The following ZDHHC11B variants were observed in gnomAD, a reference collection of about 807,000 sequenced individuals.
ZDHHC11B encodes probable palmitoyltransferase ZDHHC11B.
Under a neutral mutation model 42.3 loss-of-function variants are expected in ZDHHC11B, and 17 were observed. The observed-to-expected ratio is 0.40, with a 90% CI of 0.27 to 0.60. The LOEUF is 0.60. Among genes scored for constraint, ZDHHC11B ranks in the 20% least tolerant of loss-of-function variants. ZDHHC11B has a pLI of 0.41. For missense variants in ZDHHC11B, 262 were observed against 463.2 expected (o/e 0.57, Z 3.99); for synonymous variants, 123 against 193.5 (o/e 0.64, Z 3.02).
At chr5:745,721 T>C (rs1386398052) in intron 8 of ZDHHC11B, among the ~76,000 whole-genome samples, 1 of 150,040 alleles carries the variant, frequency 6.7e-6, no homozygotes, top group African/African-American at 2.4e-5. Context: ...TGTCTGAGGG[T>C]CCAGGTGGCC....
chr5:777,851 A>G (rs1309224857), intron 1 of ZDHHC11B, among the ~76,000 whole-genome samples: 1 of 151,874 alleles, frequency 6.6e-6, no homozygotes, highest in African/African-American at 2.4e-5. Context: ...TGGGCGGTCC[A>G]TGGGACCCGG....
intron 1 of ZDHHC11B, among the ~76,000 whole-genome samples, chr5:776,944 C>A (rs1323541563): frequency 6.6e-6 from 1 of 151,922 alleles, no homozygotes; most frequent in African/African-American, 2.4e-5. Context: ...CAGCCCAGGC[C>A]GCCTGTCAGG....
At chr5:750,238 G>C (rs1304484977) in intron 7 of ZDHHC11B, among the ~76,000 whole-genome samples, 1 of 128,518 alleles carries the variant, frequency 7.8e-6, no homozygotes, top group African/African-American at 2.8e-5. Flanking sequence ...GGTGGCGGGT[G>C]GGGGCAGCTT....
chr5:717,676 A>C (rs1426862261), intron 12 of ZDHHC11B, among the ~76,000 whole-genome samples: 2 of 151,886 alleles, frequency 1.3e-5, no homozygotes, highest in Admixed American at 1.3e-4. Context: ...GCAAGAGGGA[A>C]ACCTTTCTTG....
intron 8 of ZDHHC11B, chr5:747,793 G>C (rs1490490820): frequency 1.7e-5 from 3 of 176,786 alleles, no homozygotes; most frequent in African/African-American, 7.1e-5. Flanking sequence ...ACGCTTTGCA[G>C]CTGGCCCACC....
chr5:718,695 CA>C (rs34009409), intron 12 of ZDHHC11B, among the ~76,000 whole-genome samples: 121 of 117,088 alleles, frequency 1.0e-3, no homozygotes, highest in Middle Eastern at 8.6e-3. Flanking sequence ...GACTCTGTCT[CA>C]AAAAAAAAAA....
intron 1 of ZDHHC11B, among the ~76,000 whole-genome samples, chr5:775,189 G>A (rs1736372620): frequency 6.6e-6 from 1 of 151,950 alleles, no homozygotes; most frequent in Admixed American, 6.6e-5. Flanking sequence ...GGGTTGTGCT[G>A]GGCTGGACCA....
chr5:758,792 C>T (rs1458053824), intron 4 of ZDHHC11B, among the ~76,000 whole-genome samples: 1 of 151,924 alleles, frequency 6.6e-6, no homozygotes, highest in African/African-American at 2.4e-5. Context: ...GGGTGCCCTG[C>T]TGTCCATTGG....
intron 6 of ZDHHC11B, among the ~76,000 whole-genome samples, chr5:752,852 C>A (rs1397222188): frequency 8.4e-6 from 1 of 118,486 alleles, no homozygotes. Flanking sequence ...GGAGTAAAGA[C>A]CCCTCATCCT....
At chr5:714,296 T>C (rs1372968387) in intron 13 of ZDHHC11B, among the ~76,000 whole-genome samples, 5 of 141,122 alleles carry the variant, frequency 3.5e-5, no homozygotes, top group Non-Finnish European at 7.6e-5. Flanking sequence ...AAGTACTTTC[T>C]GGGATTATGT....
intron 1 of ZDHHC11B, among the ~76,000 whole-genome samples, chr5:773,721 G>A (rs1242720155): frequency 6.6e-6 from 1 of 151,818 alleles, no homozygotes; most frequent in Non-Finnish European, 1.5e-5. Flanking sequence ...CCCCACGGGA[G>A]CCCAAGTGGG....
chr5:761,786 G>A (rs1393706878), intron 4 of ZDHHC11B, among the ~76,000 whole-genome samples: 2 of 145,392 alleles, frequency 1.4e-5, no homozygotes, highest in Non-Finnish European at 3.0e-5. Context: ...AATCCCTTAG[G>A]ATTGGGAAGG....
In ZDHHC11B at chr5:773,560, C is replaced by A. The variant is rs1736227340; in HGVS notation, c.-229-4630G>T. 2.6e-5 allele frequency among the ~76,000 whole-genome samples: 4 copies of A among 151,966 alleles called. No individual in the cohort carries two copies. In the South Asian group the frequency reaches 6.3e-4, roughly 24 times the overall value. On this transcript the variant is annotated intron_variant, in intron 1 of 13. Transcript: ENST00000508859. The stretch of plus-strand genomic sequence containing the variant: ...CCCAGGCCTGTGCCCACCATCTCAG[C>A]TGTGCCCTGTACTCCCAGGCCTGTG...
In ZDHHC11B at chr5:716,938, C is replaced by T. The variant is rs953755225; in HGVS notation, c.1059-73G>A. 8 of 1,603,256 alleles carry T rather than the reference C, an allele frequency of 5.0e-6. No individual in the cohort carries two copies. The South Asian group carries it at 5.5e-5, about 11-fold the overall frequency. ...ATACTTGTTATACTGCCAAAGTGCA[C>T]AAAATGTGTAAACAAGAGTACATTT... On this transcript the variant is annotated intron_variant, in intron 12 of 13. Transcript: ENST00000508859.
rs990102834 is a variant in ZDHHC11B, at chr5:730,944, C to A, written c.1024-476G>T. 1.1e-4 allele frequency among the ~76,000 whole-genome samples: 17 copies of A among 152,044 alleles called. 1 individual carries two copies. Among genetic ancestry groups the A allele is most frequent in the Admixed American group, 1.0e-3 (16 of 15,270 alleles). On this transcript the variant is annotated intron_variant, in intron 11 of 13. Transcript: ENST00000508859. ...ACCCTGCAGACACTGTGCTCTGGGA[C>A]TTCCAGCCTGCAGATATGTGAGAAA...
At chr5:754,091 T>A (rs1579364771) in intron 6 of ZDHHC11B, among the ~76,000 whole-genome samples, 2 of 129,110 alleles carry the variant, frequency 1.5e-5, no homozygotes, top group African/African-American at 5.1e-5. Flanking sequence ...TCCACCGTGC[T>A]CAGGGGAAAC....
At chr5:776,291 G>A (rs1216560835) in intron 1 of ZDHHC11B, among the ~76,000 whole-genome samples, 3 of 151,844 alleles carry the variant, frequency 2.0e-5, no homozygotes, top group African/African-American at 4.8e-5. Context: ...ACGGCCACAG[G>A]TCCCACCTTG....
At chr5:737,954 C>T (rs1448650273) in intron 10 of ZDHHC11B, among the ~76,000 whole-genome samples, 1 of 128,324 alleles carries the variant, frequency 7.8e-6, no homozygotes, top group African/African-American at 2.9e-5. Context: ...CTAGCCAGAG[C>T]AATCAGAGAA....
intron 11 of ZDHHC11B, among the ~76,000 whole-genome samples, chr5:730,812 A>T (rs1422023342): frequency 6.6e-6 from 1 of 151,728 alleles, no homozygotes; most frequent in East Asian, 1.9e-4. Context: ...GTGTCCTTTT[A>T]TGAAGGGGAG....
Sources: gnomAD v4.1 joint callset for allele counts (sites outside exome capture counted in the v4.1 genomes callset) on GRCh38, gnomAD v4.1.1 for gene constraint, MANE v1.5 for transcripts, NCBI Gene and HGNC (gene_info 2026-07-23, HGNC 2026-07-21) for gene names.